The following IRGM variants were observed in gnomAD, a reference collection of about 807,000 sequenced individuals.
IRGM encodes immunity-related GTPase family M protein.
For synonymous variants in IRGM, 98 were observed against 80.6 expected, an observed-to-expected ratio of 1.22 and a Z score of -1.16; for missense variants, 288 against 219.9, an observed-to-expected ratio of 1.31 and a Z score of -1.96.
At chr5:150,861,804 T>C (rs750759680) in intron 1 of IRGM, among the ~76,000 whole-genome samples, 15 of 152,158 alleles carry the variant, frequency 9.9e-5, no homozygotes, top group Non-Finnish European at 1.5e-4. Context: ...AAATGAATAT[T>C]TGCAAATATC....
At chr5:150,889,079 T>C (rs1191297898) in intron 3 of IRGM, among the ~76,000 whole-genome samples, 2 of 152,138 alleles carry the variant, frequency 1.3e-5, no homozygotes, top group Non-Finnish European at 2.9e-5. Flanking sequence ...GTTTTGTCTA[T>C]TGACCTTGTA....
chr5:150,864,082 G>A (rs957142807), intron 1 of IRGM, among the ~76,000 whole-genome samples: 4 of 152,154 alleles, frequency 2.6e-5, no homozygotes, highest in African/African-American at 9.6e-5. Context: ...ATTTCTCTTG[G>A]AGCCCTAAAT....
chr5:150,879,524 T>C (rs1279379050), intron 2 of IRGM: 1 of 152,234 alleles, frequency 6.6e-6, no homozygotes, highest in Non-Finnish European at 1.5e-5. Flanking sequence ...GGCACTGTGC[T>C]GGCTAGGCAC....
At chr5:150,886,639 C>T (rs757984290) in intron 3 of IRGM, among the ~76,000 whole-genome samples, 8 of 151,858 alleles carry the variant, frequency 5.3e-5, no homozygotes, top group Admixed American at 1.3e-4. Context: ...AGCATGTATA[C>T]GTCTAGGAAT....
At chr5:150,860,441 G>T (rs1030096903) in intron 1 of IRGM, among the ~76,000 whole-genome samples, 6 of 152,182 alleles carry the variant, frequency 3.9e-5, no homozygotes, top group Non-Finnish European at 8.8e-5. Context: ...GTTCAAAACT[G>T]GACATTCTGA....
At chr5:150,849,402 A>C (rs1353637126), downstream of IRGM, among the ~76,000 whole-genome samples, 3 of 152,244 alleles carry the variant, frequency 2.0e-5, no homozygotes, top group East Asian at 5.8e-4. Flanking sequence ...CAAGAAAAAC[A>C]ATAGTGTAAC....
chr5:150,893,593 T>C (rs1447578854), intron 3 of IRGM, among the ~76,000 whole-genome samples: 1 of 152,062 alleles, frequency 6.6e-6, no homozygotes, highest in Admixed American at 6.6e-5. Context: ...GATTAAAAAA[T>C]ATATAAAGAA....
intron 1 of IRGM, among the ~76,000 whole-genome samples, chr5:150,853,926 C>A (rs543322214): frequency 6.6e-6 from 1 of 152,200 alleles, no homozygotes; most frequent in Middle Eastern, 3.4e-3. Flanking sequence ...ACATTTAAAG[C>A]AATTACTGAT....
intron 3 of IRGM, among the ~76,000 whole-genome samples, chr5:150,882,436 A>AT (rs559127964): frequency 1.3e-5 from 2 of 152,082 alleles, no homozygotes; most frequent in Admixed American, 1.3e-4. Context: ...TGAATAAATG[A>AT]TTTTTTTAAG....
intron 1 of IRGM, among the ~76,000 whole-genome samples, chr5:150,874,686 T>C (rs1031981251): frequency 3.3e-5 from 5 of 152,182 alleles, no homozygotes; most frequent in African/African-American, 1.2e-4. Flanking sequence ...TTTTCTGCCA[T>C]TTGGGCCATA....
chr5:150,893,291 T>C (rs1816256), intron 3 of IRGM, among the ~76,000 whole-genome samples: 29,502 of 152,118 alleles, frequency 0.19, 4,458 homozygotes, highest in East Asian at 0.43. Flanking sequence ...TTACCATTGA[T>C]CTACATGATT....
At chr5:150,896,297 T>C (rs1233121436) in intron 3 of IRGM, 27 of 1,613,590 alleles carry the variant, frequency 1.7e-5, no homozygotes, top group Non-Finnish European at 2.3e-5. Flanking sequence ...TTCTCTGATG[T>C]ACAACAAGAT....
At chr5:150,859,848 A>G (rs1023943900) in intron 1 of IRGM, among the ~76,000 whole-genome samples, 1 of 151,954 alleles carries the variant, frequency 6.6e-6, no homozygotes, top group African/African-American at 2.4e-5. Context: ...CTAGCGGTCT[A>G]TCAATTTTGT....
chr5:150,883,945 C>T (rs1754480461), intron 3 of IRGM, among the ~76,000 whole-genome samples: 1 of 151,968 alleles, frequency 6.6e-6, no homozygotes, highest in Admixed American at 6.6e-5. Flanking sequence ...GAAAAGAAAA[C>T]TGTAAGCTAA....
downstream of IRGM, among the ~76,000 whole-genome samples, chr5:150,849,312 A>T (rs1753937810): frequency 6.6e-6 from 1 of 152,098 alleles, no homozygotes; most frequent in South Asian, 2.1e-4. Context: ...AGTAATGCCT[A>T]ATATCTTATG....
chr5:150,854,705 T>A lies in IRGM; in HGVS notation c.158+6051T>A, dbSNP rs188728423. ...AAAATCTTATTGAGAATAGCTTGTA[T>A]ATGATGAGTCTGTTTTCGCTTGCTG... On this transcript the variant is annotated intron_variant and NMD_transcript_variant, in intron 1 of 3. Coordinates refer to the IRGM transcript ENST00000520549. Among the ~76,000 whole-genome samples the A allele has an allele frequency of 3.9e-3, 595 of 152,298 alleles. 6 individuals are homozygous for A. Among genetic ancestry groups the A allele is most frequent in the Non-Finnish European group, 5.1e-3 (345 of 67,992 alleles).
Position 150,859,413 on chromosome 5 carries a change from CTTTGGTATCAGG to C in IRGM, c.158+10760_158+10771del, listed in dbSNP as rs1754104453. Among the ~76,000 whole-genome samples the C allele has an allele frequency of 3.3e-5, 5 of 152,258 alleles. No individual in the cohort carries two copies. In the East Asian group the frequency reaches 9.7e-4, roughly 29 times the overall value. Reference sequence around the variant, plus strand: ...CTTTTTTGGCTGTGTCTCTGCCAGGCTTTGGTATCAGGATGATGCTGGCCTCATAAAATGAGT... The same window carrying C: ...CTTTTTTGGCTGTGTCTCTGCCAGGCATGATGCTGGCCTCATAAAATGAGT... On this transcript the variant is annotated intron_variant and NMD_transcript_variant, in intron 1 of 3. Transcript: ENST00000520549.
At chr5:150,857,614 C>T (rs202181103) in intron 1 of IRGM, among the ~76,000 whole-genome samples, 28,089 of 148,696 alleles carry the variant, frequency 0.19, 3,915 homozygotes, top group East Asian at 0.42. Context: ...TTTTAATGAT[C>T]GCCATTCTAA....
rs941537638 is a variant in IRGM, at chr5:150,896,895, A to T, written c.*141-3694A>T. 11 of 1,613,316 alleles carry T rather than the reference A, an allele frequency of 6.8e-6. No homozygotes were observed. The East Asian group carries it at 2.5e-4, about 36-fold the overall frequency. ...GGAGCACAATGAACCATCCCTTGTG[A>T]CTCCTTTCAGTATCTTATGATGGAA... On this transcript the variant is annotated intron_variant and NMD_transcript_variant, in intron 3 of 3. Transcript: ENST00000520549.
Sources: allele counts gnomAD v4.1 joint callset (sites outside exome capture counted in the v4.1 genomes callset), GRCh38; gene constraint gnomAD v4.1.1; transcripts MANE v1.5; gene names NCBI Gene and HGNC (gene_info 2026-07-23, HGNC 2026-07-21).